TTC39B: variants seen among roughly 807,000 people sequenced by gnomAD.
TTC39B encodes tetratricopeptide repeat domain 39B.
Under a neutral mutation model 96.6 loss-of-function variants are expected in TTC39B, and 92 were observed. That is an observed-to-expected ratio of 0.95 (90% CI 0.80 to 1.13). The LOEUF is 1.13. Ranked by LOEUF, TTC39B falls within the 50% of genes most tolerant of loss-of-function variation. TTC39B has a pLI of 0.00. For missense variants in TTC39B, 955 were observed against 809.3 expected (o/e 1.18, Z -2.18); for synonymous variants, 367 against 299.4 (o/e 1.23, Z -2.33).
intron 1 of TTC39B, among the ~76,000 whole-genome samples, chr9:15,278,968 A>T (rs190404710): frequency 6.4e-4 from 97 of 152,364 alleles, no homozygotes; most frequent in Non-Finnish European, 1.0e-4. Context: ...TAATGTCCAC[A>T]TGAGGAAACT....
At chr9:15,282,159 C>T (rs1489944729) in intron 1 of TTC39B, among the ~76,000 whole-genome samples, 1 of 152,134 alleles carries the variant, frequency 6.6e-6, no homozygotes, top group East Asian at 1.9e-4. Flanking sequence ...AGCAATTAAA[C>T]ATAGACACTT....
At chr9:15,267,844 T>C in intron 2 of TTC39B, 70 bp downstream of exon 2, 1 of 1,398,616 alleles carries the variant, frequency 7.1e-7, no homozygotes, top group East Asian at 2.3e-5. Flanking sequence ...GAGAATGAAA[T>C]ATTTACTTTT....
At chr9:15,253,565 A>G (rs1369713558) in intron 2 of TTC39B, among the ~76,000 whole-genome samples, 1 of 152,218 alleles carries the variant, frequency 6.6e-6, no homozygotes, top group Non-Finnish European at 1.5e-5. Flanking sequence ...GAAAACACCA[A>G]GTTTTAATCT....
chr9:15,191,405 T>C (rs1193416200), intron 9 of TTC39B, 150 bp from the exon 10 acceptor site: 2 of 596,108 alleles, frequency 3.4e-6, no homozygotes, highest in Non-Finnish European at 5.9e-6. Context: ...CCACATACTG[T>C]AACAATCATT....
intron 2 of TTC39B, among the ~76,000 whole-genome samples, chr9:15,248,404 G>A (rs1822379125): frequency 6.6e-6 from 1 of 151,970 alleles, no homozygotes; most frequent in Admixed American, 6.6e-5. Context: ...GTATTTATAT[G>A]TCCTATATGT....
rs577542641 is a variant in TTC39B at position 15,248,780 on chromosome 9, G to A, written c.275+19134C>T. ...AAAAACAGCAGATGTTTGATCTCTG[G>A]GTGGTAGAGAAAATTTCTTTTTTTA... is the stretch of plus-strand genomic sequence containing the variant. On this transcript the variant is annotated intron_variant, in intron 2 of 19. Transcript: ENST00000512701. Among the ~76,000 whole-genome samples the A allele has an allele frequency of 3.9e-5, 6 of 152,148 alleles. No individual in the cohort carries two copies. The East Asian group carries it at 7.7e-4, about 20-fold the overall frequency.
chr9:15,197,535 G>A (rs1378385764), intron 8 of TTC39B, among the ~76,000 whole-genome samples: 1 of 151,858 alleles, frequency 6.6e-6, no homozygotes. Flanking sequence ...TACAAATTGT[G>A]GAAAAATCAA....
intron 1 of TTC39B, among the ~76,000 whole-genome samples, chr9:15,292,358 T>G (rs561479141): frequency 1.3e-5 from 2 of 152,322 alleles, no homozygotes; most frequent in Middle Eastern, 3.4e-3. Context: ...TACCTACATA[T>G]TTGTGGTGAT....
Position 15,175,280 on chromosome 9 carries a change from A to T in TTC39B, c.1842-145T>A, listed in dbSNP as rs569002381. The T allele has an allele frequency of 1.7e-5, 10 of 588,752 alleles. No homozygotes were observed. In the South Asian group the frequency reaches 2.3e-4, roughly 14 times the overall value. 36.5% of individuals were successfully genotyped at this position (588,752 alleles called of 1,614,324 possible). On this transcript the variant is annotated intron_variant, in intron 18 of 19. Coordinates refer to ENST00000512701, the Ensembl canonical transcript of TTC39B. ...AAGGCGGCCATTGTATAGTTATGGA[A>T]CTCATTAAACTATGGCAATAAATAA... is the stretch of plus-strand genomic sequence containing the variant.
chr9:15,262,339 T>C (rs1168394356), intron 2 of TTC39B, among the ~76,000 whole-genome samples: 1 of 152,176 alleles, frequency 6.6e-6, no homozygotes, highest in Non-Finnish European at 1.5e-5. Context: ...CCTCAGGTGA[T>C]CCACCCACCT....
At chr9:15,167,698 G>A (rs945222006) in exon 20 of TTC39B, 4 of 152,314 alleles carry the variant, frequency 2.6e-5, no homozygotes, top group East Asian at 1.9e-4. Context: ...GTTGCAGTGA[G>A]CCTAGATCGT....
At chr9:15,291,973 T>C (rs1587020942) in intron 1 of TTC39B, among the ~76,000 whole-genome samples, 2 of 152,356 alleles carry the variant, frequency 1.3e-5, no homozygotes, top group East Asian at 3.9e-4. Context: ...AATGCCTGCT[T>C]CACAGTTGCT....
intron 2 of TTC39B, among the ~76,000 whole-genome samples, chr9:15,233,053 C>T (rs1042351657): frequency 4.6e-5 from 7 of 151,788 alleles, no homozygotes; most frequent in Admixed American, 6.6e-5. Context: ...TGCGATAGGA[C>T]AGCTGTAGAT....
At chr9:15,206,957 T>C (rs1464677769) in intron 6 of TTC39B, among the ~76,000 whole-genome samples, 1 of 152,168 alleles carries the variant, frequency 6.6e-6, no homozygotes, top group Non-Finnish European at 1.5e-5. Context: ...GTTTCTCCCA[T>C]GCTGTTCTCA....
intron 6 of TTC39B, among the ~76,000 whole-genome samples, 185 bp from the exon 7 acceptor site, chr9:15,204,075 G>A (rs1004089837): frequency 1.3e-5 from 2 of 152,172 alleles, no homozygotes; most frequent in Non-Finnish European, 2.9e-5. Context: ...GATTTTCCTG[G>A]AATGTGTGAA....
chr9:15,281,288 A>T (rs1487267983), intron 1 of TTC39B, among the ~76,000 whole-genome samples: 2 of 152,184 alleles, frequency 1.3e-5, no homozygotes, highest in African/African-American at 4.8e-5. Flanking sequence ...CATCAAACTC[A>T]TGGGGTTGAA....
chr9:15,250,333 AT>A (rs1288642549), intron 2 of TTC39B: 1 of 496,948 alleles, frequency 2.0e-6, no homozygotes, highest in Non-Finnish European at 2.6e-6. Context: ...AATGGCCTGG[AT>A]TTATAAAAAC....
chr9:15,263,755 T>A (rs1293887742), intron 2 of TTC39B, among the ~76,000 whole-genome samples: 1 of 152,206 alleles, frequency 6.6e-6, no homozygotes, highest in Non-Finnish European at 1.5e-5. Flanking sequence ...GCACCTAATC[T>A]GGCTACCCCT....
At chr9:15,202,634 C>T (rs1015198243) in intron 7 of TTC39B, among the ~76,000 whole-genome samples, 28 of 151,968 alleles carry the variant, frequency 1.8e-4, no homozygotes, top group Non-Finnish European at 4.1e-4. Flanking sequence ...ACTGCTTGAA[C>T]CCAGGAGGCA....
Sources: gnomAD v4.1 joint callset for allele counts (sites outside exome capture counted in the v4.1 genomes callset) on GRCh38, gnomAD v4.1.1 for gene constraint, MANE v1.5 for transcripts, NCBI Gene and HGNC (gene_info 2026-07-23, HGNC 2026-07-21) for gene names.